SCARA3: variants seen among roughly 807,000 people sequenced by gnomAD.
SCARA3 encodes scavenger receptor class A member 3.
Under a neutral mutation model 47.0 loss-of-function variants are expected in SCARA3, and 39 were observed. That is an observed-to-expected ratio of 0.83 (90% confidence interval 0.64 to 1.08). The LOEUF (loss-of-function observed/expected upper bound fraction) is 1.08, where lower values mean the gene tolerates loss of function less well. Ranked by LOEUF, SCARA3 falls within the 50% of genes least tolerant of loss-of-function variation. The pLI is 0.00. For synonymous variants in SCARA3, 356 were observed against 334.1 expected (o/e 1.07, Z -0.71); for missense variants, 724 against 792.3 (o/e 0.91, Z 1.04).
the SCARA3 span, among the ~76,000 whole-genome samples, chr8:27,684,728 T>C: frequency 1.3e-5 from 2 of 150,802 alleles, no homozygotes; most frequent in Non-Finnish European, 2.9e-5. Context: ...ATGAATTCAG[T>C]GTTCAACTTA....
the SCARA3 span, among the ~76,000 whole-genome samples, chr8:27,708,307 C>T: frequency 6.6e-6 from 1 of 152,068 alleles, no homozygotes; most frequent in Non-Finnish European, 1.5e-5. Context: ...CAATTAATAA[C>T]TCAAGGAAAA....
Position 27,641,480 on chromosome 8 carries a change from A to G in SCARA3, c.7+7273A>G, listed in dbSNP as rs191668826. ...GATCCAGATGGCAGGACTTGGCTGA[A>G]GCCAAATGCATGCCCCCCTCTGACA... On this transcript the variant is annotated intron_variant, in intron 1 of 5. Coordinates refer to ENST00000301904, the MANE Select transcript of SCARA3 (RefSeq NM_016240.3). Among the ~76,000 whole-genome samples the G allele has an allele frequency of 2.0e-3, 305 of 152,342 alleles. 8 individuals are homozygous for G. The Middle Eastern group carries it at 0.024, about 12-fold the overall frequency.
intron 1 of SCARA3, among the ~76,000 whole-genome samples, chr8:27,643,058 G>T (rs1442675244): frequency 1.3e-5 from 2 of 152,204 alleles, no homozygotes. Flanking sequence ...GGCATTCGGG[G>T]TTGTCACAAT....
At chr8:27,715,664 A>T in the SCARA3 span, among the ~76,000 whole-genome samples, 1 of 152,132 alleles carries the variant, frequency 6.6e-6, no homozygotes, top group African/African-American at 2.4e-5. The surrounding 1 kb of genome is among the most constrained non-coding windows in gnomAD (Gnocchi z 4.2). Context: ...CACAGACAGG[A>T]ACAGACAGAC....
downstream of SCARA3, among the ~76,000 whole-genome samples, chr8:27,681,307 C>T (rs191510045): frequency 1.1e-3 from 156 of 147,784 alleles, no homozygotes; most frequent in African/African-American, 3.5e-3. Flanking sequence ...ATACAAAAGT[C>T]AATTGTATCT....
At chr8:27,667,845 T>C (rs733076) in intron 5 of SCARA3, among the ~76,000 whole-genome samples, 15,913 of 152,150 alleles carry the variant, frequency 0.1, 923 homozygotes, top group East Asian at 0.26. Context: ...CACAGGCACC[T>C]GTCAGTAGCC....
chr8:27,652,767 A>G (rs1357469784), intron 3 of SCARA3, among the ~76,000 whole-genome samples: 1 of 152,230 alleles, frequency 6.6e-6, no homozygotes, highest in Non-Finnish European at 1.5e-5. Context: ...ATCAAGGGGC[A>G]TGGTTCTTCC....
chr8:27,728,307 C>T, the SCARA3 span, among the ~76,000 whole-genome samples: 2 of 152,122 alleles, frequency 1.3e-5, no homozygotes, highest in African/African-American at 4.8e-5. Flanking sequence ...AGTTGGGAAG[C>T]GCATTCCAGG....
the SCARA3 span, chr8:27,703,204 C>T: frequency 1.3e-5 from 2 of 152,526 alleles, no homozygotes; most frequent in Non-Finnish European, 2.9e-5. Context: ...CTCCCATCCC[C>T]GCAGCCTGGC....
intron 5 of SCARA3, among the ~76,000 whole-genome samples, chr8:27,664,217 G>A (rs1292080792): frequency 6.6e-6 from 1 of 152,174 alleles, no homozygotes; most frequent in Non-Finnish European, 1.5e-5. Flanking sequence ...AATGTTCCAG[G>A]GAAGGGCATT....
At chr8:27,721,365 G>A in the SCARA3 span, among the ~76,000 whole-genome samples, 1 of 152,118 alleles carries the variant, frequency 6.6e-6, no homozygotes, top group Non-Finnish European at 1.5e-5. Context: ...AGGCATTGGG[G>A]ACAGAGAAGT....
intron 1 of SCARA3, among the ~76,000 whole-genome samples, chr8:27,649,192 T>A (rs1354046268): frequency 6.6e-6 from 1 of 152,040 alleles, no homozygotes; most frequent in East Asian, 1.9e-4. Flanking sequence ...TAGGTGAGAT[T>A]GTGTGAAGCA....
intron 3 of SCARA3, among the ~76,000 whole-genome samples, chr8:27,653,406 G>A (rs943521043): frequency 5.3e-5 from 8 of 152,224 alleles, no homozygotes; most frequent in African/African-American, 1.9e-4. Flanking sequence ...CAACCTGGGT[G>A]AGGAGTGTGT....
At chr8:27,699,076 C>G in the SCARA3 span, among the ~76,000 whole-genome samples, 1 of 151,690 alleles carries the variant, frequency 6.6e-6, no homozygotes, top group East Asian at 1.9e-4. Context: ...AACCCTGTCT[C>G]TACTAAAAAT....
chr8:27,671,575 C>G lies in SCARA3; in HGVS notation c.*224C>G. ...GCACATGCACACACATGCATGCACACACATGCACACATACACGCACATGCA... is the reference window on the plus strand; with the variant it reads ...GCACATGCACACACATGCATGCACAGACATGCACACATACACGCACATGCA... On this transcript the variant is annotated 3_prime_UTR_variant, in exon 6 of 6. Transcript: ENST00000301904. 1.6e-6 allele frequency: 2 copies of G among 1,261,904 alleles called. No homozygotes were observed. The highest frequency in any genetic ancestry group is 2.0e-6 in the Non-Finnish European group (2 of 1,006,258). 78.2% of individuals were successfully genotyped at this position (1,261,904 alleles called of 1,614,324 possible).
chr8:27,663,396 A>G (rs1179111620), intron 5 of SCARA3, among the ~76,000 whole-genome samples: 1 of 152,258 alleles, frequency 6.6e-6, no homozygotes, highest in Admixed American at 6.5e-5. Flanking sequence ...AAGATAGGGT[A>G]GCAGGAGCGG....
intron 1 of SCARA3, among the ~76,000 whole-genome samples, chr8:27,644,083 A>C (rs1801441199): frequency 6.6e-6 from 1 of 152,174 alleles, no homozygotes; most frequent in Non-Finnish European, 1.5e-5. Context: ...TTAAAAAAAA[A>C]AAAGGAATTT....
chr8:27,664,812 G>C (rs975758429), intron 5 of SCARA3, among the ~76,000 whole-genome samples: 2 of 152,022 alleles, frequency 1.3e-5, no homozygotes, highest in Non-Finnish European at 1.5e-5. Flanking sequence ...CTAGTCATGC[G>C]TGGAGAGCAA....
At chr8:27,710,839 C>T in the SCARA3 span, among the ~76,000 whole-genome samples, 1 of 151,548 alleles carries the variant, frequency 6.6e-6, no homozygotes, top group Non-Finnish European at 1.5e-5. Context: ...TTCTGCTGTT[C>T]CAGATCTTTC....
Sources: gnomAD v4.1 joint callset for allele counts (sites outside exome capture counted in the v4.1 genomes callset) on GRCh38, gnomAD v4.1.1 for gene constraint, Gnocchi (gnomAD v3.1) non-coding constraint, MANE v1.5 for transcripts, NCBI Gene and HGNC (gene_info 2026-07-23, HGNC 2026-07-21) for gene names.